The following RABGEF1 variants were observed in gnomAD, a reference collection of about 807,000 sequenced individuals.
RABGEF1 encodes the protein RAB guanine nucleotide exchange factor 1, also known as rab5 GDP/GTP exchange factor.
Under a neutral mutation model 57.3 loss-of-function variants are expected in RABGEF1, and 26 were observed. That is an observed-to-expected ratio of 0.45 (90% CI 0.33 to 0.63). The LOEUF (loss-of-function observed/expected upper bound fraction) is 0.63. Among genes scored for constraint, RABGEF1 ranks in the 20% least tolerant of loss-of-function variants. The pLI, the probability that RABGEF1 is intolerant of heterozygous loss-of-function variation, is 0.02. For synonymous variants in RABGEF1, 185 were observed against 210.7 expected (o/e 0.88, Z 1.06); for missense variants, 464 against 607.6 (o/e 0.76, Z 2.48).
At chr7:66,746,116 T>A (rs1162864447) in intron 1 of RABGEF1, among the ~76,000 whole-genome samples, 3 of 152,240 alleles carry the variant, frequency 2.0e-5, no homozygotes, top group Non-Finnish European at 2.9e-5. Context: ...TGTAAACATG[T>A]GAAATAACAG....
chr7:66,770,458 G>T (rs1806811565), intron 1 of RABGEF1: 1 of 152,108 alleles, frequency 6.6e-6, no homozygotes, highest in African/African-American at 2.4e-5. Flanking sequence ...AACTGACTTT[G>T]GAACTTAAGG....
At chr7:66,739,685 A>T (rs1167673427), upstream of RABGEF1, 2 of 118,248 alleles carry the variant, frequency 1.7e-5, no homozygotes, top group African/African-American at 3.1e-5. Flanking sequence ...AAAAAAAAAT[A>T]GACTGAAAAA....
chr7:66,741,772 T>A (rs1031139202), intron 1 of RABGEF1, among the ~76,000 whole-genome samples: 3 of 152,078 alleles, frequency 2.0e-5, no homozygotes, highest in African/African-American at 7.2e-5. Context: ...CCTTAAGTGA[T>A]CCTCCCGCCT....
chr7:66,765,173 T>G, intron 1 of RABGEF1, among the ~76,000 whole-genome samples: 1 of 150,338 alleles, frequency 6.7e-6, no homozygotes, highest in African/African-American at 2.4e-5. Flanking sequence ...AGCAGAGAGG[T>G]TGGAGAGGGA....
chr7:66,801,474 A>C (rs1482296831), intron 7 of RABGEF1, among the ~76,000 whole-genome samples: 1 of 151,994 alleles, frequency 6.6e-6, no homozygotes, highest in Non-Finnish European at 1.5e-5. Context: ...AGCAAATACT[A>C]GGTCTTATTC....
At chr7:66,694,202 A>G (rs1159896114) in intron 1 of RABGEF1, among the ~76,000 whole-genome samples, 5 of 152,226 alleles carry the variant, frequency 3.3e-5, no homozygotes, top group Admixed American at 2.6e-4. Context: ...GTCCCAATGC[A>G]GCGGGGGACA....
chr7:66,674,473 C>A, the RABGEF1 span, among the ~76,000 whole-genome samples: 1 of 152,104 alleles, frequency 6.6e-6, no homozygotes, highest in Non-Finnish European at 1.5e-5. Flanking sequence ...CAGGTGTGAG[C>A]CACTGCGCCC....
intron 4 of RABGEF1, among the ~76,000 whole-genome samples, chr7:66,794,761 C>T (rs902055200): frequency 2.0e-5 from 3 of 152,034 alleles, no homozygotes; most frequent in Non-Finnish European, 4.4e-5. Flanking sequence ...AGAAGATAGT[C>T]CTTACAAAAT....
At chr7:66,771,812 GTTCA>G in intron 1 of RABGEF1, 67 bp from the exon 2 acceptor site, 1 of 1,168,456 alleles carries the variant, frequency 8.6e-7, no homozygotes, top group Non-Finnish European at 1.1e-6. Context: ...CTCACTTTTT[GTTCA>G]TAATTGGTAA....
At chr7:66,744,857 C>T (rs948895793) in intron 1 of RABGEF1, among the ~76,000 whole-genome samples, 3 of 152,002 alleles carry the variant, frequency 2.0e-5, no homozygotes, top group Admixed American at 6.6e-5. Flanking sequence ...ATAAGAATAA[C>T]TCATTGATTT....
chr7:66,704,997 G>T (rs1028264994), intron 1 of RABGEF1, among the ~76,000 whole-genome samples: 2 of 152,132 alleles, frequency 1.3e-5, no homozygotes, highest in African/African-American at 4.8e-5. Context: ...GAGGATTCTT[G>T]TACATGTTTT....
At chr7:66,665,667 T>G in the RABGEF1 span, among the ~76,000 whole-genome samples, 2 of 152,224 alleles carry the variant, frequency 1.3e-5, no homozygotes, top group Non-Finnish European at 2.9e-5. Flanking sequence ...ATCGTAGGAC[T>G]TCGGCAAATG....
At chr7:66,707,852 T>G (rs1468563999) in intron 1 of RABGEF1, among the ~76,000 whole-genome samples, 1 of 152,234 alleles carries the variant, frequency 6.6e-6, no homozygotes, top group Admixed American at 6.6e-5. Flanking sequence ...CTTTTATCAT[T>G]CTATAATGTC....
chr7:66,684,795 T>A (rs529480396), intron 1 of RABGEF1, among the ~76,000 whole-genome samples: 14 of 151,858 alleles, frequency 9.2e-5, no homozygotes, highest in African/African-American at 3.1e-4. Flanking sequence ...CCACCATGCC[T>A]GGCTAATTTT....
chr7:66,769,729 T>G (rs996144064), intron 1 of RABGEF1, among the ~76,000 whole-genome samples: 1 of 152,214 alleles, frequency 6.6e-6, no homozygotes, highest in African/African-American at 2.4e-5. Context: ...ATAGAGATCT[T>G]ATCATGCTTT....
intron 1 of RABGEF1, among the ~76,000 whole-genome samples, chr7:66,701,223 G>GTGT (rs1284624418): frequency 6.6e-6 from 1 of 152,192 alleles, no homozygotes; most frequent in Non-Finnish European, 1.5e-5. Flanking sequence ...GGGAGGCTGG[G>GTGT]CACAGTAGCT....
intron 1 of RABGEF1, among the ~76,000 whole-genome samples, chr7:66,752,489 C>T (rs1239133237): frequency 6.7e-6 from 1 of 149,434 alleles, no homozygotes; most frequent in South Asian, 2.1e-4. Context: ...AGTGAAACTC[C>T]GTCTAAAAAA....
intron 1 of RABGEF1, among the ~76,000 whole-genome samples, chr7:66,684,442 CAAACAAAACAAAACA>C (rs540424952): frequency 6.6e-6 from 1 of 152,006 alleles, no homozygotes; most frequent in South Asian, 2.1e-4. Context: ...GACTTCGTCT[CAAACAAAACAAAACA>C]AAACAAAACA....
At chr7:66,795,292 TC>T (rs1401780473) in intron 4 of RABGEF1, among the ~76,000 whole-genome samples, 3 of 152,172 alleles carry the variant, frequency 2.0e-5, no homozygotes, top group Admixed American at 2.0e-4. Context: ...CGGACAAGGA[TC>T]CCGTCTTTAG....
Sources: allele counts gnomAD v4.1 joint callset (sites outside exome capture counted in the v4.1 genomes callset), GRCh38; gene constraint gnomAD v4.1.1; transcripts MANE v1.5; gene names NCBI Gene and HGNC (gene_info 2026-07-23, HGNC 2026-07-21).